P2RY8: variants seen among roughly 807,000 people sequenced by gnomAD.
The protein encoded by P2RY8 is S-geranylgeranyl-glutathione receptor P2RY8.
A neutral mutation model predicts 10.0 loss-of-function variants in P2RY8; 6 were observed. The observed-to-expected ratio is 0.60, with a 90% CI of 0.33 to 1.19. The LOEUF (loss-of-function observed/expected upper bound fraction) is 1.19. Among genes scored for constraint, P2RY8 ranks in the 50% most tolerant of loss-of-function variants. The pLI is 0.04. For synonymous variants in P2RY8, 276 were observed against 252.5 expected (o/e 1.09, Z -0.88); for missense variants, 456 against 542.0 (o/e 0.84, Z 1.58).
intron 1 of P2RY8, among the ~76,000 whole-genome samples, chrX:1,527,181 C>T (rs2092444967): frequency 6.6e-6 from 1 of 152,168 alleles, no homozygotes; most frequent in Non-Finnish European, 1.5e-5. Flanking sequence ...AGGCGTGAGC[C>T]ACCGCGCCCA....
At chrX:1,466,972 G>C (rs1247231231) in intron 1 of P2RY8, among the ~76,000 whole-genome samples, 1 of 101,298 alleles carries the variant, frequency 9.9e-6, no homozygotes, top group Non-Finnish European at 2.1e-5. Flanking sequence ...GAGACTCTTA[G>C]ATGATCCACA....
Position 1,465,227 on chromosome X carries a change from G to A in P2RY8, c.*252C>T, listed in dbSNP as rs1292111683. The stretch of plus-strand genomic sequence containing the variant: ...CAGAGAGGCAGAGGCACCCTCTGCA[G>A]GATAACAAGCACCCTGTGCGCTGCT... On this transcript the variant is annotated 3_prime_UTR_variant, in exon 2 of 2. Coordinates refer to ENST00000381297, the MANE Select transcript of P2RY8 (RefSeq NM_178129.5). 3 of 573,088 alleles carry A rather than the reference G, an allele frequency of 5.2e-6. No homozygotes were observed. The highest frequency in any genetic ancestry group is 8.9e-6 in the Non-Finnish European group (3 of 335,528). 35.5% of individuals were successfully genotyped at this position (573,088 alleles called of 1,614,324 possible).
At chrX:1,500,157 CTGT>C (rs1468270155) in intron 1 of P2RY8, among the ~76,000 whole-genome samples, 9 of 151,936 alleles carry the variant, frequency 5.9e-5, no homozygotes, top group African/African-American at 2.2e-4. Context: ...CGCGCCCGGC[CTGT>C]TGTTGTTTTT....
At chrX:1,505,657 G>T (rs1346918417) in intron 1 of P2RY8, among the ~76,000 whole-genome samples, 1 of 152,122 alleles carries the variant, frequency 6.6e-6, no homozygotes, top group African/African-American at 2.4e-5. Context: ...GGGTGTGGTG[G>T]CGGGCGCCTG....
At chrX:1,478,249 ATGTGTG>A (rs745819761) in intron 1 of P2RY8, among the ~76,000 whole-genome samples, 4 of 148,340 alleles carry the variant, frequency 2.7e-5, no homozygotes, top group African/African-American at 5.0e-5. Context: ...TGGCAGGCGT[ATGTGTG>A]TGTGTGTGTG....
At chrX:1,484,363 G>T (rs1159643635) in intron 1 of P2RY8, among the ~76,000 whole-genome samples, 2 of 151,968 alleles carry the variant, frequency 1.3e-5, no homozygotes, top group Non-Finnish European at 2.9e-5. Context: ...AGGTTCTCAG[G>T]CCCACAGAAA....
At chrX:1,478,206 G>C (rs1457087698) in intron 1 of P2RY8, among the ~76,000 whole-genome samples, 5 of 149,666 alleles carry the variant, frequency 3.3e-5, no homozygotes, top group African/African-American at 9.9e-5. Context: ...TCTGTATGAT[G>C]GACACCAATG....
At chrX:1,520,511 GTCCCCAATCATCTCTCTGA>G (rs2092383335) in intron 1 of P2RY8, among the ~76,000 whole-genome samples, 1 of 145,016 alleles carries the variant, frequency 6.9e-6, no homozygotes, top group Admixed American at 6.9e-5. Context: ...ATTCTCTCTG[GTCCCCAATCATCTCTCTGA>G]TCCCCAATAA....
intron 1 of P2RY8, among the ~76,000 whole-genome samples, chrX:1,472,959 G>A (rs1359906142): frequency 1.6e-5 from 2 of 125,430 alleles, no homozygotes; most frequent in African/African-American, 3.0e-5. Context: ...TGCATGGGTG[G>A]GCGGATGGGT....
chrX:1,489,312 C>G (rs1376157696), intron 1 of P2RY8, among the ~76,000 whole-genome samples: 1 of 150,486 alleles, frequency 6.6e-6, no homozygotes, highest in African/African-American at 2.5e-5. Context: ...GAATATCACT[C>G]AGAGATTTAC....
At chrX:1,532,419 GTA>G (rs1216547226) in intron 1 of P2RY8, among the ~76,000 whole-genome samples, 13 of 144,110 alleles carry the variant, frequency 9.0e-5, no homozygotes, top group Middle Eastern at 3.4e-3. Context: ...TATATGATGT[GTA>G]TATATACACA....
intron 1 of P2RY8, among the ~76,000 whole-genome samples, chrX:1,486,021 C>T (rs2091983105): frequency 6.6e-6 from 1 of 152,094 alleles, no homozygotes. Context: ...GAGTTCAAGA[C>T]CAGCCTGGCC....
rs2091613083 is a variant in P2RY8 at position 1,463,334 on chromosome X, G to A, written c.*2145C>T. On this transcript the variant is annotated 3_prime_UTR_variant, in exon 2 of 2. Coordinates refer to ENST00000381297, the MANE Select transcript of P2RY8 (RefSeq NM_178129.5). The stretch of plus-strand genomic sequence containing the variant: ...TTTCCTCCTTCTGTGGAAGTTCTGG[G>A]TCTCTTACGCATCCTCCAGTTCCCC... 8.6e-6 allele frequency: 2 copies of A among 232,742 alleles called. No homozygotes were observed. Among genetic ancestry groups the A allele is most frequent in the South Asian group, 3.6e-4 (2 of 5,534 alleles). 14.4% of individuals were successfully genotyped at this position (232,742 alleles called of 1,614,324 possible).
intron 1 of P2RY8, among the ~76,000 whole-genome samples, chrX:1,529,776 TC>T (rs2092460599): frequency 6.6e-6 from 1 of 152,134 alleles, no homozygotes; most frequent in Admixed American, 6.5e-5. Flanking sequence ...CTGTCATCTA[TC>T]TATACCTTTC....
At chrX:1,531,157 T>C (rs770371913) in intron 1 of P2RY8, among the ~76,000 whole-genome samples, 1 of 152,254 alleles carries the variant, frequency 6.6e-6, no homozygotes, top group South Asian at 2.1e-4. Flanking sequence ...TTTTGCTACC[T>C]GGAGACATTG....
intron 1 of P2RY8, among the ~76,000 whole-genome samples, chrX:1,507,284 G>A (rs374796566): frequency 7.9e-5 from 12 of 152,042 alleles, no homozygotes; most frequent in African/African-American, 2.2e-4. Context: ...GCGTGTCCAA[G>A]ATGAAGTCCC....
chrX:1,488,835 C>T (rs2092012499), intron 1 of P2RY8, among the ~76,000 whole-genome samples: 1 of 151,754 alleles, frequency 6.6e-6, no homozygotes, highest in Non-Finnish European at 1.5e-5. Context: ...AGAGCGTCCA[C>T]ACAAATGTGG....
At chrX:1,504,994 C>T (rs759092080) in intron 1 of P2RY8, among the ~76,000 whole-genome samples, 5 of 151,884 alleles carry the variant, frequency 3.3e-5, no homozygotes, top group East Asian at 1.9e-4. Flanking sequence ...ATAAATTAGC[C>T]GGGCGTGGTG....
intron 1 of P2RY8, among the ~76,000 whole-genome samples, chrX:1,506,682 CTTTTT>C (rs765827943): frequency 1.4e-5 from 2 of 145,120 alleles, no homozygotes; most frequent in East Asian, 4.0e-4. Context: ...TTCTTTCTTT[CTTTTT>C]TTTTTTTTGA....
Sources: allele counts gnomAD v4.1 joint callset (sites outside exome capture counted in the v4.1 genomes callset), GRCh38; gene constraint gnomAD v4.1.1; transcripts MANE v1.5; gene names NCBI Gene and HGNC (gene_info 2026-07-23, HGNC 2026-07-21).